CHN2: variants seen among roughly 807,000 people sequenced by gnomAD.
CHN2 encodes the protein beta-chimaerin.
In CHN2, 35 loss-of-function variants were observed where a neutral mutation model predicts 56.3. The ratio of observed to expected loss-of-function variants is 0.62; its 90% confidence interval spans 0.47 to 0.82. CHN2 has a LOEUF of 0.82. Ranked by LOEUF, CHN2 falls within the 40% of genes least tolerant of loss-of-function variation. CHN2 has a pLI of 0.00. For missense variants in CHN2, 491 were observed against 580.5 expected (o/e 0.85, Z 1.58); for synonymous variants, 210 against 212.8 (o/e 0.99, Z 0.12).
chr7:29,209,162 G>C (rs1784741052), intron 1 of CHN2, among the ~76,000 whole-genome samples: 1 of 152,060 alleles, frequency 6.6e-6, no homozygotes, highest in Non-Finnish European at 1.5e-5. Context: ...CTGGAGTGCA[G>C]ATGGTCCAGC....
chr7:29,263,154 G>A (rs532743802), intron 1 of CHN2, among the ~76,000 whole-genome samples: 2 of 152,036 alleles, frequency 1.3e-5, no homozygotes, highest in African/African-American at 4.8e-5. Context: ...TCAGCCTGCC[G>A]AGTGCCTGGG....
intron 3 of CHN2, among the ~76,000 whole-genome samples, chr7:29,368,273 T>G (rs1034849339): frequency 1.3e-5 from 2 of 152,204 alleles, no homozygotes; most frequent in Non-Finnish European, 2.9e-5. Flanking sequence ...ATGTTTTCTT[T>G]GTTAATATCC....
At chr7:29,340,009 G>A (rs906784611) in intron 1 of CHN2, among the ~76,000 whole-genome samples, 2 of 152,232 alleles carry the variant, frequency 1.3e-5, no homozygotes, top group South Asian at 2.1e-4. Flanking sequence ...TGGATAAAGT[G>A]TCCAGTGGCA....
At position 29,156,617 on chromosome 7, in the gene CHN2, T is replaced by G. The variant is rs186680966; in HGVS notation, c.274+9657T>G. On this transcript the variant is annotated intron_variant, in intron 2 of 6. Transcript: ENST00000439384. ...TCATCTGTGAGGGAAACTTTGTGGG[T>G]TTTTTTTCCTCTTTAGATATCTATA... 5.0e-3 allele frequency among the ~76,000 whole-genome samples: 756 copies of G among 152,134 alleles called. 9 individuals carry two copies. Among genetic ancestry groups the G allele is most frequent in the Middle Eastern group, 0.031 (9 of 294 alleles).
intron 2 of CHN2, among the ~76,000 whole-genome samples, chr7:29,149,189 CTTTTTTTT>C (rs60520174): frequency 1.0e-5 from 1 of 100,340 alleles, no homozygotes; most frequent in Admixed American, 1.3e-4. Context: ...GTCTGTTTCC[CTTTTTTTT>C]TTTTTTTTTT....
intron 6 of CHN2, among the ~76,000 whole-genome samples, chr7:29,432,243 A>C (rs951784305): frequency 4.6e-5 from 7 of 152,154 alleles, no homozygotes; most frequent in African/African-American, 1.7e-4. Context: ...TCCTACGGTG[A>C]AACATTCAGT....
chr7:29,482,464 G>C (rs1282264880), intron 7 of CHN2, among the ~76,000 whole-genome samples: 3 of 152,112 alleles, frequency 2.0e-5, no homozygotes, highest in Admixed American at 2.0e-4. Flanking sequence ...CATGGTTTTT[G>C]GAAGAACATT....
intron 6 of CHN2, among the ~76,000 whole-genome samples, chr7:29,459,037 C>G (rs887637598): frequency 2.3e-4 from 35 of 152,218 alleles, no homozygotes; most frequent in African/African-American, 8.2e-4. Context: ...TTAAGTTACA[C>G]TAAACTAGCA....
chr7:29,484,512 G>A lies in CHN2; in HGVS notation c.654+4156G>A, dbSNP rs566456073. Among the ~76,000 whole-genome samples, 6 of 152,286 alleles carry A rather than the reference G, an allele frequency of 3.9e-5. No homozygotes were observed. The South Asian group carries it at 1.2e-3, about 32-fold the overall frequency. ...GGCAGTCCTTGGCGTTCTTTGTCTT[G>A]TAGACACACCACTCCAATCTCTGCC... is the stretch of plus-strand genomic sequence containing the variant. On this transcript the variant is annotated intron_variant, in intron 7 of 12. Coordinates refer to ENST00000222792, the MANE Select transcript of CHN2 (RefSeq NM_004067.4).
intron 1 of CHN2, among the ~76,000 whole-genome samples, chr7:29,249,528 A>C (rs1584863571): frequency 6.6e-6 from 1 of 152,154 alleles, no homozygotes; most frequent in Non-Finnish European, 1.5e-5. Context: ...CTCCCAAAAT[A>C]ATGCTTTACT....
intron 6 of CHN2, among the ~76,000 whole-genome samples, chr7:29,416,037 G>C (rs776065982): frequency 1.3e-5 from 2 of 152,160 alleles, no homozygotes; most frequent in African/African-American, 2.4e-5. Context: ...CCACGGGGTT[G>C]GATAAATGCG....
chr7:29,336,309 T>C (rs1004662707), intron 1 of CHN2, among the ~76,000 whole-genome samples: 3 of 152,114 alleles, frequency 2.0e-5, no homozygotes, highest in African/African-American at 7.2e-5. Context: ...AACTATCCAG[T>C]GTGAGAAAAC....
intron 1 of CHN2, among the ~76,000 whole-genome samples, chr7:29,236,582 G>T (rs1377371327): frequency 6.6e-6 from 1 of 152,226 alleles, no homozygotes; most frequent in African/African-American, 2.4e-5. Flanking sequence ...TCTCCAACTA[G>T]ATTTGCTGAA....
chr7:29,512,287 A>ACTT (rs1554311716), intron 12 of CHN2, among the ~76,000 whole-genome samples: 24,235 of 152,160 alleles, frequency 0.16, 2,194 homozygotes, highest in Non-Finnish European at 0.2. Flanking sequence ...TTCCACATTT[A>ACTT]CTTAATAAGG....
At chr7:29,466,215 AG>A (rs2128141273) in intron 6 of CHN2, among the ~76,000 whole-genome samples, 1 of 138,204 alleles carries the variant, frequency 7.2e-6, no homozygotes, top group Non-Finnish European at 1.6e-5. Flanking sequence ...AGAGAGAAAG[AG>A]AGAGAGGAAG....
At chr7:29,243,803 A>G (rs1787868124) in intron 1 of CHN2, among the ~76,000 whole-genome samples, 1 of 152,216 alleles carries the variant, frequency 6.6e-6, no homozygotes, top group Non-Finnish European at 1.5e-5. Flanking sequence ...TATCCTTTCA[A>G]TGTTGAATAC....
intron 6 of CHN2, among the ~76,000 whole-genome samples, chr7:29,436,186 T>C (rs117509659): frequency 0.012 from 1,836 of 152,136 alleles, 18 homozygotes; most frequent in Admixed American, 0.017. Flanking sequence ...CATATTCTGA[T>C]TGGGGACTGG....
intron 9 of CHN2, among the ~76,000 whole-genome samples, chr7:29,500,962 C>T (rs1789902915): frequency 1.3e-5 from 2 of 152,030 alleles, no homozygotes; most frequent in African/African-American, 2.4e-5. Flanking sequence ...CTGAAGTTGC[C>T]GGATATAATT....
chr7:29,462,959 G>A (rs552585643), intron 6 of CHN2, among the ~76,000 whole-genome samples: 8 of 123,876 alleles, frequency 6.5e-5, no homozygotes, highest in Admixed American at 1.1e-4. Flanking sequence ...AAGTTTATCC[G>A]GGTTCCCAAG....
Sources: allele counts gnomAD v4.1 joint callset (sites outside exome capture counted in the v4.1 genomes callset), GRCh38; gene constraint gnomAD v4.1.1; transcripts MANE v1.5; gene names NCBI Gene and HGNC (gene_info 2026-07-23, HGNC 2026-07-21).